The following LHPP variants were observed in gnomAD, a reference collection of about 807,000 sequenced individuals.
LHPP encodes the protein phospholysine phosphohistidine inorganic pyrophosphate phosphatase, also known as hLHPP.
In LHPP, 24 loss-of-function variants were observed where a neutral mutation model predicts 30.3. The observed-to-expected ratio is 0.79, with a 90% CI of 0.57 to 1.11. The LOEUF (loss-of-function observed/expected upper bound fraction) is 1.11. Ranked by LOEUF, LHPP falls within the 50% of genes most tolerant of loss-of-function variation. The probability of loss-of-function intolerance (pLI) is 0.00; values close to 1 mark genes in which losing one functional copy is unlikely to be tolerated. For synonymous variants in LHPP, 150 were observed against 157.1 expected, an observed-to-expected ratio of 0.95 and a Z score of 0.34; for missense variants, 356 against 367.2, an observed-to-expected ratio of 0.97 and a Z score of 0.25.
At chr10:124,568,692 T>C (rs1020546132) in intron 6 of LHPP, among the ~76,000 whole-genome samples, 10 of 152,236 alleles carry the variant, frequency 6.6e-5, no homozygotes, top group Non-Finnish European at 1.2e-4. Flanking sequence ...ACTGGGATTC[T>C]GTGTCTAATG....
chr10:124,545,580 T>A (rs916672658), intron 6 of LHPP, among the ~76,000 whole-genome samples: 1 of 152,030 alleles, frequency 6.6e-6, no homozygotes, highest in Admixed American at 6.5e-5. Context: ...GGCTGGCAGC[T>A]GCTCCCAGGT....
At chr10:124,470,264 G>A (rs1310509130) in intron 1 of LHPP, among the ~76,000 whole-genome samples, 3 of 152,170 alleles carry the variant, frequency 2.0e-5, no homozygotes, top group Non-Finnish European at 4.4e-5. Context: ...ATCCTGTCTT[G>A]GGCCACTAAA....
intron 6 of LHPP, among the ~76,000 whole-genome samples, chr10:124,612,230 C>CCTAT (rs897441579): frequency 7.2e-5 from 11 of 152,206 alleles, no homozygotes; most frequent in Admixed American, 6.5e-4. Flanking sequence ...ATGGCGAAAC[C>CCTAT]CTATCTCTAC....
intron 6 of LHPP, among the ~76,000 whole-genome samples, chr10:124,528,188 G>A (rs935618238): frequency 2.0e-5 from 3 of 152,176 alleles, no homozygotes; most frequent in Non-Finnish European, 4.4e-5. Flanking sequence ...GGTGGCTCCC[G>A]TATGGCATAT....
At chr10:124,529,228 G>C (rs1954824770) in intron 6 of LHPP, among the ~76,000 whole-genome samples, 2 of 151,788 alleles carry the variant, frequency 1.3e-5, no homozygotes, top group African/African-American at 4.8e-5. Flanking sequence ...GTAGAGACGG[G>C]GTTTCACTGT....
chr10:124,507,845 T>TC (rs200201354), intron 5 of LHPP, among the ~76,000 whole-genome samples: 1 of 26,516 alleles, frequency 3.8e-5, no homozygotes, highest in Non-Finnish European at 6.8e-5. Flanking sequence ...GGATTTCAGG[T>TC]GGGGGGGTAG....
intron 5 of LHPP, among the ~76,000 whole-genome samples, chr10:124,515,913 G>A (rs1001624310): frequency 2.6e-5 from 4 of 151,982 alleles, no homozygotes; most frequent in Admixed American, 1.3e-4. Context: ...GTGGTCTGCT[G>A]AGTACTTGAG....
At chr10:124,530,119 G>A (rs1563275) in intron 6 of LHPP, among the ~76,000 whole-genome samples, 9,067 of 152,230 alleles carry the variant, frequency 0.06, 395 homozygotes, top group East Asian at 0.19. Context: ...AGCCAGGAGC[G>A]GTGGGCAGGG....
chr10:124,594,758 G>A (rs1338501765), intron 6 of LHPP, among the ~76,000 whole-genome samples: 2 of 151,982 alleles, frequency 1.3e-5, no homozygotes, highest in Non-Finnish European at 2.9e-5. Context: ...AGCCTCCTGA[G>A]TAGCTTGGAA....
chr10:124,541,652 G>C lies in LHPP; in HGVS notation c.716+24381G>C, dbSNP rs147628521. On this transcript the variant is annotated intron_variant, in intron 6 of 6. Coordinates refer to ENST00000368842, the MANE Select transcript of LHPP (RefSeq NM_022126.4). This position sits in a 1 kb window ranked among gnomAD's most constrained non-coding sequence, Gnocchi z 4.2. ...GTCTAGGCAAATGCCTTGGGCACTC[G>C]AGGGGGCACTGAGGCCCTGGAGGGC... Among the ~76,000 whole-genome samples the C allele has an allele frequency of 6.6e-6, 1 of 152,150 alleles. No homozygotes were observed. Among genetic ancestry groups the C allele is most frequent in the African/African-American group, 2.4e-5 (1 of 41,430 alleles).
At chr10:124,586,192 G>A (rs926252773) in intron 6 of LHPP, among the ~76,000 whole-genome samples, 1 of 152,260 alleles carries the variant, frequency 6.6e-6, no homozygotes, top group Non-Finnish European at 1.5e-5. Context: ...CTGAAGGACC[G>A]TGCCCCTCCC....
chr10:124,477,763 AT>A (rs1207872676), intron 1 of LHPP, among the ~76,000 whole-genome samples: 1 of 152,116 alleles, frequency 6.6e-6, no homozygotes, highest in Non-Finnish European at 1.5e-5. Flanking sequence ...ACGAGTTGAC[AT>A]TTCTCAAATT....
chr10:124,507,011 C>T (rs189211948), intron 5 of LHPP, among the ~76,000 whole-genome samples: 24 of 2,674 alleles, frequency 9.0e-3, no homozygotes, highest in African/African-American at 0.028. Flanking sequence ...GATTTCAGGT[C>T]GGGGGGTAGA....
chr10:124,473,141 G>T (rs776562951), intron 1 of LHPP, among the ~76,000 whole-genome samples: 1 of 152,178 alleles, frequency 6.6e-6, no homozygotes, highest in Non-Finnish European at 1.5e-5. Context: ...GCTGCCTCTG[G>T]TTGGAAGCCC....
At chr10:124,564,129 T>A (rs1948449851) in intron 6 of LHPP, among the ~76,000 whole-genome samples, 1 of 150,384 alleles carries the variant, frequency 6.6e-6, no homozygotes, top group Non-Finnish European at 1.5e-5. Flanking sequence ...AAAAAAATTT[T>A]TTTTTTTTTT....
chr10:124,546,706 G>C (rs563418356), intron 6 of LHPP, among the ~76,000 whole-genome samples: 8 of 152,130 alleles, frequency 5.3e-5, no homozygotes, highest in Non-Finnish European at 1.2e-4. Flanking sequence ...CACCGCGCCC[G>C]CCTCATGCGG....
intron 6 of LHPP, among the ~76,000 whole-genome samples, chr10:124,609,962 T>G (rs1164958918): frequency 6.6e-6 from 1 of 152,234 alleles, no homozygotes; most frequent in Non-Finnish European, 1.5e-5. Flanking sequence ...AGTGTGCCTT[T>G]GGTGAACGTG....
chr10:124,534,234 G>A (rs905427867), intron 6 of LHPP, among the ~76,000 whole-genome samples: 3 of 152,268 alleles, frequency 2.0e-5, no homozygotes, highest in Admixed American at 6.5e-5. Context: ...CCCATGCCGG[G>A]AATTTGGCAT....
chr10:124,530,816 A>T (rs11245266), intron 6 of LHPP, among the ~76,000 whole-genome samples: 2 of 152,056 alleles, frequency 1.3e-5, no homozygotes, highest in Admixed American at 6.5e-5. Flanking sequence ...ACCACAGCGC[A>T]CAGGGCCGAG....
Sources: allele counts gnomAD v4.1 joint callset (sites outside exome capture counted in the v4.1 genomes callset), GRCh38; gene constraint gnomAD v4.1.1; non-coding constraint Gnocchi (gnomAD v3.1); transcripts MANE v1.5; gene names NCBI Gene and HGNC (gene_info 2026-07-23, HGNC 2026-07-21).